DNAH17: variants seen among roughly 807,000 people sequenced by gnomAD.
DNAH17 encodes dynein axonemal heavy chain 17.
DNAH17 carries 376 observed loss-of-function variants against 485.6 expected under a neutral mutation model. The ratio of observed to expected loss-of-function variants is 0.77; its 90% confidence interval spans 0.71 to 0.84. The LOEUF is 0.84. Among genes scored for constraint, DNAH17 ranks in the 40% least tolerant of loss-of-function variants. DNAH17 has a pLI of 0.00. For missense variants in DNAH17, 6,370 were observed against 5,839.3 expected (o/e 1.09, Z -2.96); for synonymous variants, 3,031 against 2,405.9 (o/e 1.26, Z -7.60).
At chr17:78,425,790 A>G (rs1466966986) in intron 79 of DNAH17, among the ~76,000 whole-genome samples, 1 of 116,978 alleles carries the variant, frequency 8.5e-6, no homozygotes, top group Non-Finnish European at 1.6e-5. Context: ...TTTTGAGATG[A>G]AGTATCGCTC....
intron 18 of DNAH17, among the ~76,000 whole-genome samples, chr17:78,538,290 C>G (rs2091432707): frequency 1.3e-5 from 2 of 152,164 alleles, no homozygotes; most frequent in South Asian, 4.1e-4. Context: ...TCCCCGTTTA[C>G]AGAGTTCTGG....
intron 79 of DNAH17, among the ~76,000 whole-genome samples, chr17:78,425,982 C>T (rs552993383): frequency 1.6e-4 from 25 of 152,054 alleles, no homozygotes; most frequent in Admixed American, 1.1e-3. Context: ...AGGCTGGTCT[C>T]GAACTCCTGG....
rs1367279478 is a variant in DNAH17 at position 78,548,252 on chromosome 17, T to TGGA, written c.2391+3280_2391+3282dup. 5.5e-4 allele frequency among the ~76,000 whole-genome samples: 69 copies of TGGA among 126,024 alleles called. 1 individual carries two copies. The highest frequency in any genetic ancestry group is 2.0e-3 in the African/African-American group (66 of 33,746). The allele number at this position is 126,024 out of a possible 152,430, so 82.7% of individuals were successfully genotyped here. On this transcript the variant is annotated intron_variant, in intron 16 of 80. Coordinates refer to ENST00000389840, the MANE Select transcript of DNAH17 (RefSeq NM_173628.4). ...CAGAGTCTTGCTCTGTCACCCAGGC[T>TGGA]GGAGTGCAGTGGCACGATCTCGGCT...
chr17:78,481,139 G>C (rs2089331388), intron 48 of DNAH17, among the ~76,000 whole-genome samples: 1 of 132,042 alleles, frequency 7.6e-6, no homozygotes, highest in African/African-American at 2.9e-5. Flanking sequence ...GTCTCACTCA[G>C]TCACTCAGGC....
intron 13 of DNAH17, among the ~76,000 whole-genome samples, chr17:78,559,985 C>G (rs2092116807): frequency 6.6e-6 from 1 of 152,176 alleles, no homozygotes; most frequent in Non-Finnish European, 1.5e-5. Flanking sequence ...TGCACCTGCC[C>G]CTTCTACCGG....
chr17:78,539,964 G>A (rs368170742), intron 17 of DNAH17, 84 bp from the exon 18 acceptor site: 31 of 1,352,920 alleles, frequency 2.3e-5, no homozygotes, highest in East Asian at 1.3e-4. Context: ...TCTCTGGACC[G>A]CCCGTCCATG....
rs144243005 is a variant in DNAH17 at position 78,505,241 on chromosome 17, G to A, written c.4956+52C>T. On this transcript the variant is annotated intron_variant, in intron 31 of 80. Coordinates refer to ENST00000389840, the MANE Select transcript of DNAH17 (RefSeq NM_173628.4). ...CCATCTGAGGGCGTGTGGCCCACAC[G>A]CGTGCTGCACCCTTGTCCTGGGTTC... is the stretch of plus-strand genomic sequence containing the variant. The A allele has an allele frequency of 4.7e-3, 7,507 of 1,606,448 alleles. 33 individuals carry two copies. Among genetic ancestry groups the A allele is most frequent in the Non-Finnish European group, 5.8e-3 (6,800 of 1,174,902 alleles).
intron 24 of DNAH17, among the ~76,000 whole-genome samples, chr17:78,525,443 TTC>T (rs1400257047): frequency 1.3e-5 from 2 of 152,258 alleles, no homozygotes; most frequent in East Asian, 3.8e-4. Context: ...TCCTGAGAGT[TTC>T]TGATTTCCCA....
chr17:78,448,369 A>C (rs1462655213), intron 69 of DNAH17, among the ~76,000 whole-genome samples: 3 of 151,996 alleles, frequency 2.0e-5, no homozygotes, highest in African/African-American at 4.8e-5. Flanking sequence ...AAATTAAAAA[A>C]CTGAAGAATT....
chr17:78,425,259 T>TGTC, intron 80 of DNAH17, 87 bp downstream of exon 80: 1 of 1,357,806 alleles, frequency 7.4e-7, no homozygotes, highest in Non-Finnish European at 1.0e-6. Context: ...TTGAACAGCC[T>TGTC]GTCTTTGCCA....
chr17:78,447,430 G>C (rs1354677188), intron 69 of DNAH17, among the ~76,000 whole-genome samples: 1 of 152,144 alleles, frequency 6.6e-6, no homozygotes, highest in Non-Finnish European at 1.5e-5. Flanking sequence ...TTTTGAAGTG[G>C]TGTATTGGGC....
chr17:78,476,814 C>G, intron 51 of DNAH17, 81 bp from the exon 52 acceptor site: 3 of 1,491,840 alleles, frequency 2.0e-6, no homozygotes, highest in Non-Finnish European at 1.8e-6. Flanking sequence ...CCCTGAGGAG[C>G]AGCCCCCTCC....
chr17:78,466,781 C>T lies in DNAH17; in HGVS notation c.8814G>A (p.Leu2938=). Residue 2938 remains leucine, a synonymous_variant, in exon 56 of 81, where the codon CTG becomes CTA. Transcript: ENST00000389840. ...ILCFSPVGSV[L]RVRARKFPAV... ...CTGGGAACTTTCTGGCTCGTACCCG[C>T]AGCACGGAGCCCACAGGGGAGAAAC... 1 of 1,603,892 alleles carries T rather than the reference C, an allele frequency of 6.2e-7. No homozygotes were observed. Among genetic ancestry groups the T allele is most frequent in the Non-Finnish European group, 8.5e-7 (1 of 1,175,540 alleles).
chr17:78,478,085 CCAT>C (rs796826518), intron 51 of DNAH17, among the ~76,000 whole-genome samples: 2 of 148,386 alleles, frequency 1.3e-5, no homozygotes, highest in African/African-American at 5.1e-5. Flanking sequence ...ACCATCATCA[CCAT>C]CACCACCACC....
chr17:78,505,908 G>A (rs2090469819), intron 30 of DNAH17, among the ~76,000 whole-genome samples: 1 of 152,096 alleles, frequency 6.6e-6, no homozygotes, highest in Admixed American at 6.5e-5. Context: ...AACCCAGGAG[G>A]CAGAGGTTGT....
intron 44 of DNAH17, among the ~76,000 whole-genome samples, chr17:78,487,340 G>C (rs2089656702): frequency 6.6e-6 from 1 of 152,184 alleles, no homozygotes; most frequent in Non-Finnish European, 1.5e-5. Flanking sequence ...TCAGAGAAGG[G>C]GGCCTGGTCC....
chr17:78,496,775 C>T (rs567811658), intron 37 of DNAH17: 1 of 150,974 alleles, frequency 6.6e-6, no homozygotes, highest in Admixed American at 6.6e-5. Context: ...GGGTTCGCCC[C>T]ATTCTCCTGC....
chr17:78,573,087 C>A (rs1191601688), intron 2 of DNAH17, among the ~76,000 whole-genome samples, 193 bp from the exon 3 acceptor site: 2 of 152,120 alleles, frequency 1.3e-5, no homozygotes, highest in African/African-American at 4.8e-5. Flanking sequence ...CTGGATCCTT[C>A]TTCCAGAAGG....
intron 74 of DNAH17, among the ~76,000 whole-genome samples, chr17:78,436,908 G>T (rs1461804869): frequency 1.3e-5 from 2 of 152,132 alleles, no homozygotes; most frequent in Non-Finnish European, 2.9e-5. Context: ...TGTGGAGAAG[G>T]CTGCATCTGG....
Sources: gnomAD v4.1 joint callset for allele counts (sites outside exome capture counted in the v4.1 genomes callset) on GRCh38, gnomAD v4.1.1 for gene constraint, MANE v1.5 for transcripts, NCBI Gene and HGNC (gene_info 2026-07-23, HGNC 2026-07-21) for gene names.